SPMIP4: variants seen among roughly 807,000 people sequenced by gnomAD.
The protein encoded by SPMIP4 is sperm-associated microtubule inner protein 4.
the SPMIP4 span, among the ~76,000 whole-genome samples, chr7:25,162,188 T>C: frequency 6.6e-6 from 1 of 151,190 alleles, no homozygotes; most frequent in Non-Finnish European, 1.5e-5. Flanking sequence ...TGAGAATTGC[T>C]TGAACCTGGG....
chr7:25,151,523 T>C, the SPMIP4 span: 1 of 958,930 alleles, frequency 1.0e-6, no homozygotes, highest in South Asian at 1.5e-5. Context: ...ATGTCAAGCC[T>C]AGATTTTTAT....
chr7:25,165,731 C>T, the SPMIP4 span, among the ~76,000 whole-genome samples: 2 of 152,240 alleles, frequency 1.3e-5, no homozygotes, highest in Admixed American at 1.3e-4. Context: ...AATGCAGATT[C>T]TGTTTCAGTA....
At chr7:25,142,525 G>A in the SPMIP4 span, 2 of 968,448 alleles carry the variant, frequency 2.1e-6, no homozygotes, top group Non-Finnish European at 3.0e-6. Flanking sequence ...AATACTTTAG[G>A]ATTTAAATAC....
the SPMIP4 span, among the ~76,000 whole-genome samples, chr7:25,141,608 C>T: frequency 2.8e-5 from 4 of 145,266 alleles, no homozygotes; most frequent in Non-Finnish European, 4.5e-5. Context: ...CAAAGATCTA[C>T]GGAATTTACT....
chr7:25,142,028 G>A, the SPMIP4 span, among the ~76,000 whole-genome samples: 1 of 152,176 alleles, frequency 6.6e-6, no homozygotes, highest in Non-Finnish European at 1.5e-5. Flanking sequence ...GAGGCACTGC[G>A]CCTGGCCCAA....
At chr7:25,134,333 TAAAAA>T in the SPMIP4 span, among the ~76,000 whole-genome samples, 2 of 129,906 alleles carry the variant, frequency 1.5e-5, no homozygotes, top group Admixed American at 7.8e-5. Flanking sequence ...ACACATTTTG[TAAAAA>T]AAAAAAAAAA....
the SPMIP4 span, among the ~76,000 whole-genome samples, chr7:25,132,630 G>A: frequency 1.3e-5 from 2 of 152,150 alleles, no homozygotes; most frequent in Non-Finnish European, 2.9e-5. This position sits in a 1 kb window ranked among gnomAD's most constrained non-coding sequence, Gnocchi z 5.0. Flanking sequence ...ACAGGAAAAG[G>A]AAGTGCAAAG....
chr7:25,168,861 C>G, the SPMIP4 span, among the ~76,000 whole-genome samples: 24,665 of 151,024 alleles, frequency 0.16, 2,651 homozygotes, highest in African/African-American at 0.31. Context: ...GAGTAGCTGA[C>G]ATTACAGGGG....
the SPMIP4 span, chr7:25,158,387 A>AAAAAAAAT: frequency 9.3e-6 from 7 of 756,042 alleles, 1 homozygote; most frequent in East Asian, 1.4e-4. Flanking sequence ...AAAAAAAAAA[A>AAAAAAAAT]AGAAACGTTT....
chr7:25,133,238 G>T, the SPMIP4 span, among the ~76,000 whole-genome samples: 1 of 152,084 alleles, frequency 6.6e-6, no homozygotes, highest in African/African-American at 2.4e-5. Context: ...ATTTTGTTTT[G>T]CTGTGTATAT....
At chr7:25,155,704 A>C in the SPMIP4 span, among the ~76,000 whole-genome samples, 1 of 152,242 alleles carries the variant, frequency 6.6e-6, no homozygotes, top group Non-Finnish European at 1.5e-5. Context: ...ACCCCTGTTT[A>C]TATACACAGT....
chr7:25,166,272 G>A, the SPMIP4 span, among the ~76,000 whole-genome samples: 1 of 121,004 alleles, frequency 8.3e-6, no homozygotes, highest in African/African-American at 3.2e-5. Context: ...TTGTTGCCCA[G>A]GCTGGAGAGC....
At chr7:25,147,303 A>C in the SPMIP4 span, among the ~76,000 whole-genome samples, 1 of 152,230 alleles carries the variant, frequency 6.6e-6, no homozygotes, top group Non-Finnish European at 1.5e-5. Flanking sequence ...CAAAATAAAA[A>C]TAAAACCTAT....
chr7:25,143,262 A>G, the SPMIP4 span, among the ~76,000 whole-genome samples: 1 of 152,216 alleles, frequency 6.6e-6, no homozygotes, highest in Non-Finnish European at 1.5e-5. Flanking sequence ...AATTCAAATA[A>G]AATTTTCATT....
chr7:25,140,351 G>A, the SPMIP4 span, among the ~76,000 whole-genome samples: 1 of 152,000 alleles, frequency 6.6e-6, no homozygotes, highest in Non-Finnish European at 1.5e-5. Flanking sequence ...GCCCAGGCTG[G>A]AGTGCAGTGG....
the SPMIP4 span, chr7:25,136,066 G>T: frequency 6.2e-7 from 1 of 1,614,064 alleles, no homozygotes; most frequent in Non-Finnish European, 8.5e-7. This position sits in a 1 kb window ranked among gnomAD's most constrained non-coding sequence, Gnocchi z 5.7. Context: ...TTCTAGAATT[G>T]ATTTATGGAA....
the SPMIP4 span, among the ~76,000 whole-genome samples, chr7:25,143,583 CT>C: frequency 0.056 from 6,224 of 110,576 alleles, 280 homozygotes; most frequent in African/African-American, 0.15. Context: ...AGTAAAGACA[CT>C]TTTTTTTTTT....
chr7:25,166,792 G>C, the SPMIP4 span, among the ~76,000 whole-genome samples: 2 of 152,142 alleles, frequency 1.3e-5, no homozygotes, highest in Non-Finnish European at 2.9e-5. Context: ...TAGGCTGGGA[G>C]GCTGAGGCAG....
chr7:25,128,517 A>G, the SPMIP4 span, among the ~76,000 whole-genome samples: 2 of 152,230 alleles, frequency 1.3e-5, no homozygotes, highest in Non-Finnish European at 2.9e-5. This position sits in a 1 kb window ranked among gnomAD's most constrained non-coding sequence, Gnocchi z 4.5. Context: ...GGCTATGCCA[A>G]CATTCACTCA....
Sources: gnomAD v4.1 joint callset for allele counts (sites outside exome capture counted in the v4.1 genomes callset) on GRCh38, gnomAD v4.1.1 for gene constraint, Gnocchi (gnomAD v3.1) non-coding constraint, MANE v1.5 for transcripts, NCBI Gene and HGNC (gene_info 2026-07-23, HGNC 2026-07-21) for gene names.